The following LRCH3 variants were observed in gnomAD, a reference collection of about 807,000 sequenced individuals.
LRCH3 encodes DISP complex protein LRCH3.
A neutral mutation model predicts 104.5 loss-of-function variants in LRCH3; 68 were observed. The observed-to-expected ratio is 0.65, with a 90% CI of 0.54 to 0.80. The LOEUF is 0.80. Ranked by LOEUF, LRCH3 falls within the 30% of genes least tolerant of loss-of-function variation. LRCH3 has a pLI of 0.00. For missense variants in LRCH3, 951 were observed against 953.9 expected, an observed-to-expected ratio of 1.00 and a Z score of 0.04; for synonymous variants, 344 against 361.3, an observed-to-expected ratio of 0.95 and a Z score of 0.54.
At chr3:197,829,416 ATAATT>A (rs1735634525) in intron 5 of LRCH3, 143 bp from the exon 6 acceptor site, 6 of 470,304 alleles carry the variant, frequency 1.3e-5, no homozygotes, top group Non-Finnish European at 1.9e-5. Flanking sequence ...ACCAAATAAT[ATAATT>A]TATTAGTTTT....
chr3:197,876,899 C>T (rs866981309), intron 20 of LRCH3, among the ~76,000 whole-genome samples: 425 of 105,672 alleles, frequency 4.0e-3, no homozygotes, highest in African/African-American at 0.014. Flanking sequence ...CTTTACCCAA[C>T]TCACCGCACC....
chr3:197,808,624 A>G (rs1208962091), intron 1 of LRCH3, among the ~76,000 whole-genome samples: 2 of 152,180 alleles, frequency 1.3e-5, no homozygotes, highest in East Asian at 3.9e-4. Flanking sequence ...TGATTGGAAG[A>G]TGTTGGGCCA....
At chr3:197,879,723 G>A (rs1040298690) in intron 20 of LRCH3, among the ~76,000 whole-genome samples, 2 of 152,160 alleles carry the variant, frequency 1.3e-5, no homozygotes, top group African/African-American at 2.4e-5. Context: ...AATTACCCCC[G>A]GATCATGAGG....
At chr3:197,847,653 A>C (rs897595112) in intron 11 of LRCH3, among the ~76,000 whole-genome samples, 193 bp downstream of exon 11, 30 of 462 alleles carry the variant, frequency 0.065, no homozygotes, top group Non-Finnish European at 0.12. Context: ...CTTTACCTTC[A>C]TGATGGCTTT....
chr3:197,835,540 T>C, intron 8 of LRCH3, 134 bp from the exon 9 acceptor site: 1 of 1,307,402 alleles, frequency 7.6e-7, no homozygotes. Flanking sequence ...TTTAAAGTTT[T>C]TATCATCCCT....
intron 1 of LRCH3, among the ~76,000 whole-genome samples, chr3:197,812,008 T>C (rs1733179038): frequency 1.3e-5 from 2 of 152,220 alleles, no homozygotes; most frequent in Non-Finnish European, 2.9e-5. Flanking sequence ...TACTACATGT[T>C]TGATTTTTTA....
chr3:197,817,504 C>T (rs1733992814), intron 3 of LRCH3, among the ~76,000 whole-genome samples: 1 of 150,572 alleles, frequency 6.6e-6, no homozygotes, highest in Admixed American at 6.7e-5. Flanking sequence ...ACTGAATTTT[C>T]CGTACTCAAG....
At chr3:197,865,104 G>A (rs1560593588) in intron 15 of LRCH3, among the ~76,000 whole-genome samples, 1 of 152,158 alleles carries the variant, frequency 6.6e-6, no homozygotes, top group Non-Finnish European at 1.5e-5. Context: ...CTAGGCTCAA[G>A]CAACCCTCCC....
Position 197,826,859 on chromosome 3 carries a change from C to A in LRCH3, c.641-19C>A. The A allele has an allele frequency of 6.2e-7, 1 of 1,613,790 alleles. No homozygotes were observed. Among genetic ancestry groups the A allele is most frequent in the Non-Finnish European group, 8.5e-7 (1 of 1,179,806 alleles). On this transcript the variant is annotated intron_variant, in intron 4 of 20. Coordinates refer to ENST00000425562, the MANE Select transcript of LRCH3 (RefSeq NM_001365715.1). ...GTAAAACATCATTAATTGTTCATTT[C>A]CATTTTACCTTCTTGCAGAGCTGGC...
chr3:197,874,926 C>CTT lies in LRCH3; in HGVS notation c.2131-760_2131-759dup, dbSNP rs57326379. On this transcript the variant is annotated intron_variant, in intron 19 of 20. Coordinates refer to ENST00000425562, the MANE Select transcript of LRCH3 (RefSeq NM_001365715.1). ...GCAGACTCGAGTGGTTGCAACAGTT[C>CTT]TTTTTTTTTTTTTGAAATGGAGCTT... 1.4e-3 allele frequency among the ~76,000 whole-genome samples: 196 copies of CTT among 144,844 alleles called. 1 individual carries two copies. The highest frequency in any genetic ancestry group is 4.6e-3 in the African/African-American group (184 of 39,598).
intron 8 of LRCH3, among the ~76,000 whole-genome samples, chr3:197,833,099 T>G (rs900410257): frequency 6.6e-6 from 1 of 152,174 alleles, no homozygotes; most frequent in African/African-American, 2.4e-5. Flanking sequence ...TCAGTAGTTG[T>G]CTTTTAAGTG....
chr3:197,792,577 TTATA>T (rs11420466), intron 1 of LRCH3, among the ~76,000 whole-genome samples: 863 of 20,330 alleles, frequency 0.042, 128 homozygotes, highest in African/African-American at 0.087. Context: ...CCAGCTAATT[TTATA>T]TATATATATA....
intron 4 of LRCH3, 28 bp downstream of exon 4, chr3:197,820,458 GA>G: frequency 7.4e-7 from 1 of 1,352,696 alleles, no homozygotes; most frequent in Non-Finnish European, 1.1e-6. Flanking sequence ...AAGAAACCAT[GA>G]AATAATTGTT....
intron 12 of LRCH3, chr3:197,850,664 AT>A (rs1406088378): frequency 3.9e-6 from 6 of 1,532,846 alleles, no homozygotes; most frequent in Admixed American, 3.3e-5. Context: ...CACTCTCTGC[AT>A]TTTTAAGCAC....
At chr3:197,828,410 A>ATC (rs1735484711) in intron 5 of LRCH3, among the ~76,000 whole-genome samples, 1 of 151,984 alleles carries the variant, frequency 6.6e-6, no homozygotes, top group Non-Finnish European at 1.5e-5. Flanking sequence ...CAGTGGCGCG[A>ATC]TCTCGGCTCT....
chr3:197,801,441 A>G (rs1196135315), intron 1 of LRCH3, among the ~76,000 whole-genome samples: 1 of 152,192 alleles, frequency 6.6e-6, no homozygotes, highest in Admixed American at 6.5e-5. Context: ...CTTTTAAAAA[A>G]TTGAATTGTA....
intron 5 of LRCH3, among the ~76,000 whole-genome samples, chr3:197,827,435 C>T (rs1735357186): frequency 6.6e-6 from 1 of 152,128 alleles, no homozygotes; most frequent in Non-Finnish European, 1.5e-5. Context: ...TCAGGCAAAT[C>T]ATAGTGGAAG....
rs554703443 is a variant in LRCH3, at chr3:197,860,598, CT to C, written c.1716+1704del. 7.2e-4 allele frequency among the ~76,000 whole-genome samples: 103 copies of C among 142,986 alleles called. 1 individual carries two copies. The highest frequency in any genetic ancestry group is 2.9e-3 in the South Asian group (13 of 4,460). The allele number at this position is 142,986 out of a possible 152,430, so 93.8% of individuals were successfully genotyped here. On this transcript the variant is annotated intron_variant, in intron 15 of 20. Coordinates refer to ENST00000425562, the MANE Select transcript of LRCH3 (RefSeq NM_001365715.1). ...TAAAACCGAATTCTTGTATCATGTC[CT>C]TTTTTTTTTTACTTTTTAATTTTTG...
intron 9 of LRCH3, among the ~76,000 whole-genome samples, chr3:197,838,683 T>C (rs910260131): frequency 1.3e-5 from 2 of 152,240 alleles, no homozygotes; most frequent in African/African-American, 2.4e-5. Context: ...AGTTTAATTT[T>C]CCTCAGTAAT....
Sources: allele counts gnomAD v4.1 joint callset (sites outside exome capture counted in the v4.1 genomes callset), GRCh38; gene constraint gnomAD v4.1.1; transcripts MANE v1.5; gene names NCBI Gene and HGNC (gene_info 2026-07-23, HGNC 2026-07-21).